Variants in VPS50 observed in about 807,000 individuals in gnomAD.
The protein encoded by VPS50 is syndetin.
VPS50 carries 70 observed loss-of-function variants against 139.7 expected under a neutral mutation model. The observed-to-expected ratio is 0.50, with a 90% CI of 0.41 to 0.61. VPS50 has a LOEUF of 0.61. Among genes scored for constraint, VPS50 ranks in the 20% least tolerant of loss-of-function variants. The probability of loss-of-function intolerance (pLI) is 0.00; values close to 1 mark genes in which losing one functional copy is unlikely to be tolerated. For synonymous variants in VPS50, 365 were observed against 376.7 expected (o/e 0.97, Z 0.36); for missense variants, 921 against 1,133.7 (o/e 0.81, Z 2.69).
chr7:93,355,429 TTA>T (rs1307416500), intron 26 of VPS50, among the ~76,000 whole-genome samples: 3 of 152,324 alleles, frequency 2.0e-5, no homozygotes, highest in Non-Finnish European at 2.9e-5. Context: ...ACACATTTCT[TTA>T]TGTTTTCAGA....
chr7:93,305,458 ATTAG>A (rs1383363249), intron 17 of VPS50, among the ~76,000 whole-genome samples: 6 of 151,352 alleles, frequency 4.0e-5, no homozygotes, highest in Admixed American at 3.9e-4. Flanking sequence ...GTGTTTAACA[ATTAG>A]TTTTCATAAA....
At chr7:93,253,818 C>T (rs766995768) in intron 3 of VPS50, 42 bp from the exon 4 acceptor site, 6 of 1,151,986 alleles carry the variant, frequency 5.2e-6, no homozygotes, top group Non-Finnish European at 7.8e-6. Context: ...CCAAATTAAA[C>T]AATTTATTTT....
At chr7:93,358,194 T>C in intron 27 of VPS50, 123 bp from the exon 28 acceptor site, 1 of 856,324 alleles carries the variant, frequency 1.2e-6, no homozygotes. Flanking sequence ...TTCCACTGTT[T>C]TTCACTGGTT....
rs779139716 is a variant in VPS50 at position 93,291,834 on chromosome 7, T to C, written c.1074T>C (p.Ser358=). ...KHDNEDTASA[S]EGSNMIGTEE... is the part of the protein sequence containing the mutation. ...ACAATGAGGATACTGCTTCAGCTTC[T>C]GGTAGGAAAATATTTTTATTTTATT... Residue 358 remains serine, a splice_region_variant and synonymous_variant, in exon 13 of 28, where the codon TCT becomes TCC. Transcript: ENST00000305866. 5.7e-6 allele frequency: 9 copies of C among 1,571,634 alleles called. No individual in the cohort carries two copies. The Admixed American group carries it at 1.7e-4, about 30-fold the overall frequency.
At chr7:93,330,093 T>A (rs1165472032) in intron 21 of VPS50, among the ~76,000 whole-genome samples, 1 of 152,174 alleles carries the variant, frequency 6.6e-6, no homozygotes, top group Admixed American at 6.5e-5. Context: ...TCATAATATA[T>A]GTAGATGTAT....
intron 20 of VPS50, among the ~76,000 whole-genome samples, chr7:93,322,396 G>A (rs1159274401): frequency 1.3e-5 from 2 of 151,692 alleles, no homozygotes; most frequent in Non-Finnish European, 2.9e-5. Flanking sequence ...TCAGGAGATC[G>A]AGACCATCCT....
At chr7:93,284,477 T>G (rs1203314910) in intron 12 of VPS50, among the ~76,000 whole-genome samples, 1 of 152,204 alleles carries the variant, frequency 6.6e-6, no homozygotes, top group Non-Finnish European at 1.5e-5. Flanking sequence ...ATTTCACAAT[T>G]TAACGGGTGC....
intron 12 of VPS50, among the ~76,000 whole-genome samples, chr7:93,287,315 T>C (rs1385608236): frequency 4.6e-5 from 7 of 152,090 alleles, no homozygotes; most frequent in Admixed American, 3.9e-4. Context: ...TAAGTAACTT[T>C]AACTTTTTAT....
Position 93,258,404 on chromosome 7 carries a change from A to G in VPS50, c.576+12A>G, listed in dbSNP as rs1290450344. ...GTGAAATGCTGGAGGTAAGTTAACA[A>G]GTTTTGGAAATTTAGGGTCCTACTG... On this transcript the variant is annotated intron_variant, in intron 8 of 27. Transcript: ENST00000305866. 2.5e-6 allele frequency: 4 copies of G among 1,610,980 alleles called. No homozygotes were observed. The highest frequency in any genetic ancestry group is 1.7e-4 in the Middle Eastern group (1 of 6,048).
intron 2 of VPS50, among the ~76,000 whole-genome samples, chr7:93,243,315 A>C (rs1341124085): frequency 1.3e-5 from 2 of 151,982 alleles, no homozygotes; most frequent in South Asian, 4.1e-4. Flanking sequence ...TTTAGAATCA[A>C]CAGTCCCCAG....
chr7:93,279,117 T>TA (rs1231947714), intron 12 of VPS50, among the ~76,000 whole-genome samples: 1 of 152,080 alleles, frequency 6.6e-6, no homozygotes, highest in African/African-American at 2.4e-5. Flanking sequence ...CTATTCTCAA[T>TA]AAAAAAATTA....
In VPS50 at chr7:93,272,666, G is replaced by T; in HGVS notation, c.734G>T (p.Cys245Phe). 6.4e-7 allele frequency: 1 copy of T among 1,569,256 alleles called. No individual in the cohort carries two copies. Among genetic ancestry groups the T allele is most frequent in the Non-Finnish European group, 8.7e-7 (1 of 1,149,226 alleles). ...CTGGACGTAGCTCTTTCCAAAATCT[G>T]CAAGAATTTTGACATTAACCATTAT... ...EQLDVALSKI[C>F]KNFDINHYTK... Residue 245 changes from cysteine to phenylalanine, a missense_variant, in exon 11 of 28, where the codon TGC becomes TTC. By Grantham distance (205) the Cys-to-Phe change is radical. Transcript: ENST00000305866.
intron 9 of VPS50, among the ~76,000 whole-genome samples, chr7:93,267,339 G>C (rs770372971): frequency 4.6e-5 from 7 of 152,052 alleles, no homozygotes; most frequent in Non-Finnish European, 7.4e-5. Flanking sequence ...TCTTGCTAAG[G>C]CTCCTGCAGA....
intron 2 of VPS50, among the ~76,000 whole-genome samples, chr7:93,246,508 T>A (rs892793686): frequency 6.6e-6 from 1 of 151,872 alleles, no homozygotes; most frequent in African/African-American, 2.4e-5. Flanking sequence ...ATATTTTTGT[T>A]TGAATAAAAA....
At position 93,276,103 on chromosome 7, in the gene VPS50, T is replaced by G. The variant is rs1332576400; in HGVS notation, c.802-62T>G. On this transcript the variant is annotated intron_variant, in intron 11 of 27. Transcript: ENST00000305866. Reference sequence around the variant, plus strand: ...AGATGTTTCCCTGGGTTTTTTCAATTTGTTGAAATTTATTTATTTTAATAA... The same window carrying G: ...AGATGTTTCCCTGGGTTTTTTCAATGTGTTGAAATTTATTTATTTTAATAA... 12 of 1,426,898 alleles carry G rather than the reference T, an allele frequency of 8.4e-6. No homozygotes were observed. The East Asian group carries it at 2.3e-4, about 27-fold the overall frequency. 88.4% of individuals were successfully genotyped at this position (1,426,898 alleles called of 1,614,324 possible).
chr7:93,318,116 GATA>G (rs1400592651), intron 20 of VPS50, among the ~76,000 whole-genome samples: 3 of 150,986 alleles, frequency 2.0e-5, no homozygotes, highest in Non-Finnish European at 4.4e-5. Context: ...ATACTAATAG[GATA>G]ATACTATGAG....
chr7:93,296,592 G>T, intron 14 of VPS50, 150 bp from the exon 15 acceptor site: 2 of 1,379,580 alleles, frequency 1.4e-6, no homozygotes, highest in Non-Finnish European at 1.9e-6. Flanking sequence ...ATCCCTTAAG[G>T]ATGTTGGCTA....
At chr7:93,282,029 C>A (rs942218134) in intron 12 of VPS50, among the ~76,000 whole-genome samples, 5 of 151,892 alleles carry the variant, frequency 3.3e-5, no homozygotes, top group Non-Finnish European at 5.9e-5. Context: ...ACGGTGAAAC[C>A]CTGTCTCTAC....
chr7:93,309,033 TA>T (rs1797194427), intron 19 of VPS50, 91 bp downstream of exon 19: 2 of 600,172 alleles, frequency 3.3e-6, no homozygotes, highest in Non-Finnish European at 5.6e-6. Context: ...AAACAAAAAT[TA>T]TTTTTTTTGG....
Sources: allele counts gnomAD v4.1 joint callset (sites outside exome capture counted in the v4.1 genomes callset), GRCh38; gene constraint gnomAD v4.1.1; transcripts MANE v1.5; gene names NCBI Gene and HGNC (gene_info 2026-07-23, HGNC 2026-07-21).